CACNA1C: variants seen among roughly 807,000 people sequenced by gnomAD.
CACNA1C encodes voltage-dependent L-type calcium channel subunit alpha-1C.
CACNA1C carries 30 observed loss-of-function variants against 229.0 expected under a neutral mutation model. That is an observed-to-expected ratio of 0.13 (90% confidence interval 0.10 to 0.18). The LOEUF is 0.18. Ranked by LOEUF, CACNA1C falls within the 10% of genes least tolerant of loss-of-function variation. CACNA1C has a pLI of 1.00. For missense variants in CACNA1C, 1,658 were observed against 2,845.0 expected (o/e 0.58, Z 9.49); for synonymous variants, 1,114 against 1,132.5 (o/e 0.98, Z 0.33).
In CACNA1C at chr12:2,493,969, A is replaced by G. The variant is rs1188914531; in HGVS notation, c.1113+583A>G. On this transcript the variant is annotated intron_variant, in intron 7 of 46. Coordinates refer to ENST00000399655, the MANE Select transcript of CACNA1C (RefSeq NM_000719.7). This position sits in a 1 kb window ranked among gnomAD's most constrained non-coding sequence, Gnocchi z 4.6. The stretch of plus-strand genomic sequence containing the variant: ...TTGGCAGCATTTTTACTATTCCCCA[A>G]ACATGCTGCTGGTCATGTGATGCCT... 6.6e-6 allele frequency among the ~76,000 whole-genome samples: 1 copy of G among 152,154 alleles called. No homozygotes were observed. The highest frequency in any genetic ancestry group is 2.4e-5 in the African/African-American group (1 of 41,428).
At chr12:2,191,456 CT>C (rs2097208949) in intron 3 of CACNA1C, among the ~76,000 whole-genome samples, 1 of 152,152 alleles carries the variant, frequency 6.6e-6, no homozygotes, top group South Asian at 2.1e-4. Flanking sequence ...CTGGCTGTGA[CT>C]TTCCTTTTGC....
rs550616681 is a variant in CACNA1C at position 2,615,029 on chromosome 12, T to G, written c.3828+3016T>G. ...GGAATCAACATAAACCAGTTTAGATTGAGTCGGTCCCTGACAAAGCCTCAG... is the reference window on the plus strand; with the variant it reads ...GGAATCAACATAAACCAGTTTAGATGGAGTCGGTCCCTGACAAAGCCTCAG... On this transcript the variant is annotated intron_variant, in intron 29 of 46. Coordinates refer to ENST00000399655, the MANE Select transcript of CACNA1C (RefSeq NM_000719.7). 2.0e-5 allele frequency: 3 copies of G among 151,258 alleles called. No individual in the cohort carries two copies. In the East Asian group the frequency reaches 5.8e-4, roughly 29 times the overall value. The allele number at this position is 151,258 out of a possible 1,614,324, so 9.4% of individuals were successfully genotyped here. A position where few individuals can be genotyped will look rare whatever the true frequency, so the allele number is the denominator to read the frequency against.
At chr12:2,107,251 AC>A (rs1289481209) in intron 1 of CACNA1C, among the ~76,000 whole-genome samples, 2 of 146,042 alleles carry the variant, frequency 1.4e-5, no homozygotes, top group East Asian at 4.1e-4. Flanking sequence ...CTGGGCGCCC[AC>A]CCTGGAGAGA....
At position 2,407,731 on chromosome 12, in the gene CACNA1C, T is replaced by C. The variant is rs58648779; in HGVS notation, c.478-41245T>C. ...CTCATCATGACCCAGTGGGAAGGAA[T>C]GTCCTTTTGATAATAGCCGTCCTGA... On this transcript the variant is annotated intron_variant, in intron 3 of 46. Transcript: ENST00000399655. Among the ~76,000 whole-genome samples the C allele has an allele frequency of 3.6e-3, 398 of 111,432 alleles. 8 individuals are homozygous for C. Among genetic ancestry groups the C allele is most frequent in the East Asian group, 0.014 (51 of 3,664 alleles). The allele number at this position is 111,432 out of a possible 152,430, so 73.1% of individuals were successfully genotyped here.
At chr12:2,551,058 T>C (rs1028677316) in intron 10 of CACNA1C, among the ~76,000 whole-genome samples, 2 of 152,230 alleles carry the variant, frequency 1.3e-5, no homozygotes, top group African/African-American at 4.8e-5. Context: ...TTTGGAATCA[T>C]ACAAAACAAG....
In CACNA1C at chr12:2,441,755, T is replaced by C. The variant is rs2099229540; in HGVS notation, c.478-7221T>C. On this transcript the variant is annotated intron_variant, in intron 3 of 46. Transcript: ENST00000399655. The stretch of plus-strand genomic sequence containing the variant: ...AGCCAGTAAAATTCTTCCGGACTGG[T>C]CAGTAATAGGTAGCTGCTGCTGCTT... Among the ~76,000 whole-genome samples, 3 of 152,310 alleles carry C rather than the reference T, an allele frequency of 2.0e-5. No homozygotes were observed. The South Asian group carries it at 6.2e-4, about 32-fold the overall frequency.
At chr12:2,451,196 C>T (rs964574046) in intron 4 of CACNA1C, among the ~76,000 whole-genome samples, 1 of 152,192 alleles carries the variant, frequency 6.6e-6, no homozygotes, top group African/African-American at 2.4e-5. Flanking sequence ...GCTGCTTCTG[C>T]TCATGCCAGA....
At chr12:2,248,010 C>T (rs901288224) in intron 3 of CACNA1C, among the ~76,000 whole-genome samples, 1 of 152,206 alleles carries the variant, frequency 6.6e-6, no homozygotes, top group Non-Finnish European at 1.5e-5. Flanking sequence ...TGAGCTGAAT[C>T]GTGGGCATCT....
At chr12:2,497,690 A>G (rs1464289609) in intron 7 of CACNA1C, among the ~76,000 whole-genome samples, 5 of 152,064 alleles carry the variant, frequency 3.3e-5, no homozygotes, top group Non-Finnish European at 7.3e-5. Flanking sequence ...TTTCTCCGTG[A>G]TCAGTTCTTC....
chr12:1,989,542 T>C (rs1319075344), intron 1 of CACNA1C, among the ~76,000 whole-genome samples: 2 of 152,158 alleles, frequency 1.3e-5, no homozygotes, highest in Non-Finnish European at 2.9e-5. Context: ...GGTGAAACCC[T>C]GTCTCTACTA....
At chr12:2,041,021 AG>A (rs1205792510) in intron 1 of CACNA1C, among the ~76,000 whole-genome samples, 1 of 152,242 alleles carries the variant, frequency 6.6e-6, no homozygotes, top group African/African-American at 2.4e-5. Context: ...CAGCAGAATC[AG>A]ATCTGTCCAA....
At chr12:2,423,568 A>C (rs1316125614) in intron 3 of CACNA1C, among the ~76,000 whole-genome samples, 1 of 152,180 alleles carries the variant, frequency 6.6e-6, no homozygotes, top group Non-Finnish European at 1.5e-5. Context: ...ATGTAATAAA[A>C]TGAGTTGATA....
rs1200528401 is a variant in CACNA1C, at chr12:2,695,044, A to G, written c.*3845A>G. The G allele has an allele frequency of 6.6e-6, 1 of 152,208 alleles. No individual in the cohort carries two copies. Among genetic ancestry groups the G allele is most frequent in the African/African-American group, 2.4e-5 (1 of 41,438 alleles). The allele number at this position is 152,208 out of a possible 1,614,324, so 9.4% of individuals were successfully genotyped here. A position where few individuals can be genotyped will look rare whatever the true frequency, so the allele number is the denominator to read the frequency against. On this transcript the variant is annotated 3_prime_UTR_variant, in exon 47 of 47. Transcript: ENST00000399655. ...AAACAATTCAGCAAAGAGGCCACAA[A>G]AAGGGCCTGCTGACTCCCAGAAGAC...
In CACNA1C at chr12:2,666,464, CA is replaced by C. The variant is rs755388903; in HGVS notation, c.4527-221del. ...CCTTCCACCTTGAACATAGCATGGGCAGAAAATGATTCATTAAAATCTAAAC... is the reference window on the plus strand; with the variant it reads ...CCTTCCACCTTGAACATAGCATGGGCGAAAATGATTCATTAAAATCTAAAC... On this transcript the variant is annotated intron_variant, in intron 36 of 46. Coordinates refer to ENST00000399655, the MANE Select transcript of CACNA1C (RefSeq NM_000719.7). This position sits in a 1 kb window ranked among gnomAD's most constrained non-coding sequence, Gnocchi z 5.3. 8.5e-5 allele frequency among the ~76,000 whole-genome samples: 13 copies of C among 152,156 alleles called. No homozygotes were observed. Among genetic ancestry groups the C allele is most frequent in the Non-Finnish European group, 1.8e-4 (12 of 68,032 alleles).
intron 1 of CACNA1C, among the ~76,000 whole-genome samples, chr12:1,999,995 A>G (rs746647903): frequency 6.6e-6 from 1 of 152,216 alleles, no homozygotes; most frequent in African/African-American, 2.4e-5. Context: ...GTTAATTCCT[A>G]TCTGCTGACA....
At chr12:2,588,811 A>C (rs902427947) in intron 18 of CACNA1C, among the ~76,000 whole-genome samples, 4 of 152,156 alleles carry the variant, frequency 2.6e-5, no homozygotes, top group African/African-American at 9.7e-5. Context: ...AATTTATTTG[A>C]GTGAGCATGC....
At chr12:2,138,736 A>G (rs1415563135) in intron 3 of CACNA1C, among the ~76,000 whole-genome samples, 1 of 151,162 alleles carries the variant, frequency 6.6e-6, no homozygotes, top group Non-Finnish European at 1.5e-5. Context: ...GGCCCTCACC[A>G]GAAGCAGATG....
intron 1 of CACNA1C, among the ~76,000 whole-genome samples, chr12:2,010,272 G>T (rs2044175282): frequency 1.3e-5 from 2 of 152,300 alleles, no homozygotes; most frequent in African/African-American, 4.8e-5. Context: ...AGGAGACATA[G>T]CTCTTTGTTC....
At chr12:2,420,715 C>A (rs1286489317) in intron 3 of CACNA1C, among the ~76,000 whole-genome samples, 1 of 152,198 alleles carries the variant, frequency 6.6e-6, no homozygotes, top group Admixed American at 6.5e-5. Flanking sequence ...CAGCAGCAGC[C>A]TGGGGTGCTG....
Sources: gnomAD v4.1 joint callset for allele counts (sites outside exome capture counted in the v4.1 genomes callset) on GRCh38, gnomAD v4.1.1 for gene constraint, Gnocchi (gnomAD v3.1) non-coding constraint, MANE v1.5 for transcripts, NCBI Gene and HGNC (gene_info 2026-07-23, HGNC 2026-07-21) for gene names.